The following KCNK1 variants were observed in gnomAD, a reference collection of about 807,000 sequenced individuals.
The protein encoded by KCNK1 is potassium two pore domain channel subfamily K member 1.
KCNK1 carries 10 observed loss-of-function variants against 22.2 expected under a neutral mutation model. The observed-to-expected ratio is 0.45, with a 90% CI of 0.28 to 0.76. The LOEUF is 0.76. Ranked by LOEUF, KCNK1 falls within the 30% of genes least tolerant of loss-of-function variation. The probability of loss-of-function intolerance (pLI) is 0.14; values close to 1 mark genes in which losing one functional copy is unlikely to be tolerated. For missense variants in KCNK1, 378 were observed against 421.0 expected, an observed-to-expected ratio of 0.90 and a Z score of 0.89; for synonymous variants, 200 against 186.4, an observed-to-expected ratio of 1.07 and a Z score of -0.60.
At chr1:233,645,864 G>T (rs956051994) in intron 1 of KCNK1, among the ~76,000 whole-genome samples, 1 of 152,164 alleles carries the variant, frequency 6.6e-6, no homozygotes, top group Non-Finnish European at 1.5e-5. Context: ...AGAACATTCT[G>T]AAAGTAGAAC....
At chr1:233,650,211 A>T (rs1324346518) in intron 1 of KCNK1, among the ~76,000 whole-genome samples, 1 of 152,170 alleles carries the variant, frequency 6.6e-6, no homozygotes, top group Non-Finnish European at 1.5e-5. Flanking sequence ...TCAGTTTGCA[A>T]TGAGGGGAGT....
intron 1 of KCNK1, among the ~76,000 whole-genome samples, chr1:233,659,920 T>C (rs1211558274): frequency 6.6e-6 from 1 of 152,202 alleles, no homozygotes; most frequent in Admixed American, 6.5e-5. Flanking sequence ...GGAAGCTACA[T>C]CAGGGCAAGG....
intron 1 of KCNK1, among the ~76,000 whole-genome samples, chr1:233,658,500 G>A (rs1013139921): frequency 1.3e-5 from 2 of 152,122 alleles, no homozygotes; most frequent in African/African-American, 4.8e-5. Flanking sequence ...AACAAAAACA[G>A]TTCCTTATAT....
intron 2 of KCNK1, among the ~76,000 whole-genome samples, chr1:233,668,676 G>T (rs1658541391): frequency 6.6e-6 from 1 of 151,984 alleles, no homozygotes; most frequent in African/African-American, 2.4e-5. Flanking sequence ...CACGATCTCA[G>T]CTCACTGCAA....
At chr1:233,634,283 G>A (rs1378891170) in intron 1 of KCNK1, among the ~76,000 whole-genome samples, 1 of 150,092 alleles carries the variant, frequency 6.7e-6, no homozygotes, top group East Asian at 2.0e-4. Context: ...TCCAGCCTGG[G>A]TAACAGAGCT....
chr1:233,663,910 C>T (rs1052386268), intron 1 of KCNK1, among the ~76,000 whole-genome samples: 2 of 152,048 alleles, frequency 1.3e-5, no homozygotes, highest in African/African-American at 2.4e-5. Flanking sequence ...CAGCTCACTG[C>T]AAGCTCCGCC....
At chr1:233,636,754 A>G (rs1379057190) in intron 1 of KCNK1, among the ~76,000 whole-genome samples, 1 of 32,806 alleles carries the variant, frequency 3.0e-5, no homozygotes, top group African/African-American at 1.7e-4. Context: ...AAAACAGGTG[A>G]TCCCTCTAGG....
intron 1 of KCNK1, among the ~76,000 whole-genome samples, chr1:233,664,484 G>C (rs2102909894): frequency 6.6e-6 from 1 of 152,250 alleles, no homozygotes; most frequent in South Asian, 2.1e-4. Flanking sequence ...GGTGTGCAGG[G>C]ACCAGATGGA....
At chr1:233,616,786 T>A (rs1657494175) in intron 1 of KCNK1, among the ~76,000 whole-genome samples, 1 of 152,260 alleles carries the variant, frequency 6.6e-6, no homozygotes. Flanking sequence ...TTTTAAAGTC[T>A]TCAAATTATC....
In KCNK1 at chr1:233,671,842, A is replaced by G; in HGVS notation, c.*312A>G. The stretch of plus-strand genomic sequence containing the variant: ...GCTGCTGTGGTTAGAAGCAGATTTT[A>G]TACTTTTAACTGGAAACTTTGGGGT... On this transcript the variant is annotated 3_prime_UTR_variant, in exon 3 of 3. Coordinates refer to ENST00000366621, the MANE Select transcript of KCNK1 (RefSeq NM_002245.4). The G allele has an allele frequency of 7.3e-6, 2 of 274,510 alleles. No individual in the cohort carries two copies. Among genetic ancestry groups the G allele is most frequent in the Non-Finnish European group, 6.9e-6 (1 of 145,788 alleles). 17.0% of individuals were successfully genotyped at this position (274,510 alleles called of 1,614,324 possible).
chr1:233,631,838 T>C (rs1657803568), intron 1 of KCNK1, among the ~76,000 whole-genome samples: 2 of 152,156 alleles, frequency 1.3e-5, no homozygotes, highest in South Asian at 4.1e-4. Flanking sequence ...ATTCTCCTTT[T>C]CCCATTAAAT....
chr1:233,636,658 T>C (rs555512000), intron 1 of KCNK1: 1 of 152,608 alleles, frequency 6.6e-6, no homozygotes, highest in Non-Finnish European at 1.5e-5. Context: ...AAGTTGGGTG[T>C]GTGGGTCTGG....
intron 1 of KCNK1, among the ~76,000 whole-genome samples, chr1:233,629,180 C>T (rs374721463): frequency 9.2e-5 from 14 of 152,188 alleles, no homozygotes; most frequent in African/African-American, 3.4e-4. Context: ...ACATCAAAGT[C>T]CCAGAAAGCT....
intron 1 of KCNK1, among the ~76,000 whole-genome samples, chr1:233,641,773 T>C (rs1045438567): frequency 3.3e-5 from 5 of 152,206 alleles, no homozygotes; most frequent in Admixed American, 1.3e-4. Context: ...GCATGTCCCA[T>C]GAGAGAAACC....
At chr1:233,665,326 C>T (rs1658470432) in intron 1 of KCNK1, among the ~76,000 whole-genome samples, 1 of 152,158 alleles carries the variant, frequency 6.6e-6, no homozygotes, top group Non-Finnish European at 1.5e-5. Flanking sequence ...TCCATAGTGT[C>T]ACACTTTTAC....
Position 233,614,144 on chromosome 1 carries a change from G to C in KCNK1, c.-28G>C, listed in dbSNP as rs202066939. On this transcript the variant is annotated 5_prime_UTR_variant, in exon 1 of 3. Transcript: ENST00000366621. ...GGCCGCGCTCCGGCCGGTCTGCGGC[G>C]TTGGCCTTGGCGGCGGCGGTGGAGA... 1 of 1,253,606 alleles carries C rather than the reference G, an allele frequency of 8.0e-7. No homozygotes were observed. Among genetic ancestry groups the C allele is most frequent in the Non-Finnish European group, 1.0e-6 (1 of 979,758 alleles). 77.7% of individuals were successfully genotyped at this position (1,253,606 alleles called of 1,614,324 possible).
intron 1 of KCNK1, among the ~76,000 whole-genome samples, chr1:233,623,412 G>C (rs12081031): frequency 0.13 from 19,360 of 152,076 alleles, 1,393 homozygotes; most frequent in Admixed American, 0.17. Flanking sequence ...ATAGTTTCAA[G>C]TCACTAAAAG....
At chr1:233,633,173 C>T (rs1390301060) in intron 1 of KCNK1, among the ~76,000 whole-genome samples, 2 of 150,694 alleles carry the variant, frequency 1.3e-5, no homozygotes, top group African/African-American at 4.9e-5. Context: ...ACAAGCAATA[C>T]TGGTTTCTTT....
intron 1 of KCNK1, among the ~76,000 whole-genome samples, chr1:233,633,628 T>G (rs968398680): frequency 6.6e-6 from 1 of 152,202 alleles, no homozygotes; most frequent in Non-Finnish European, 1.5e-5. Context: ...ATACTAAATT[T>G]ATTTAGTGTT....
Sources: gnomAD v4.1 joint callset for allele counts (sites outside exome capture counted in the v4.1 genomes callset) on GRCh38, gnomAD v4.1.1 for gene constraint, MANE v1.5 for transcripts, NCBI Gene and HGNC (gene_info 2026-07-23, HGNC 2026-07-21) for gene names.